The following ADAM19 variants were observed in gnomAD, a reference collection of about 807,000 sequenced individuals.
The protein encoded by ADAM19 is ADAM metallopeptidase domain 19, also known as disintegrin and metalloproteinase domain-containing protein 19.
A neutral mutation model predicts 114.7 loss-of-function variants in ADAM19; 65 were observed. The ratio of observed to expected loss-of-function variants is 0.57; its 90% CI spans 0.46 to 0.70. The LOEUF (loss-of-function observed/expected upper bound fraction) is 0.70, where lower values mean the gene tolerates loss of function less well. ADAM19 is among the 30% of genes least tolerant of loss of function. The probability of loss-of-function intolerance (pLI) is 0.00; values close to 1 mark genes in which losing one functional copy is unlikely to be tolerated. For synonymous variants in ADAM19, 466 were observed against 460.5 expected (o/e 1.01, Z -0.15); for missense variants, 1,063 against 1,204.7 (o/e 0.88, Z 1.74).
At chr5:157,549,429 A>G (rs1757131230) in intron 3 of ADAM19, among the ~76,000 whole-genome samples, 1 of 152,200 alleles carries the variant, frequency 6.6e-6, no homozygotes, top group Admixed American at 6.5e-5. Flanking sequence ...CTACAGTTTT[A>G]GGTTCCCTTT....
intron 15 of ADAM19, among the ~76,000 whole-genome samples, chr5:157,494,413 A>G (rs913708282): frequency 6.6e-6 from 1 of 152,186 alleles, no homozygotes; most frequent in African/African-American, 2.4e-5. Context: ...AAATGACCCA[A>G]AAGGGCTGAT....
intron 1 of ADAM19, among the ~76,000 whole-genome samples, chr5:157,574,480 G>A (rs1757916713): frequency 6.6e-6 from 1 of 152,186 alleles, no homozygotes; most frequent in African/African-American, 2.4e-5. Flanking sequence ...TCGGCCCCTG[G>A]AAGTTCCGAA....
At chr5:157,523,783 A>G (rs1756376297) in intron 5 of ADAM19, among the ~76,000 whole-genome samples, 1 of 152,214 alleles carries the variant, frequency 6.6e-6, no homozygotes, top group Admixed American at 6.5e-5. Context: ...AAAAACGCAG[A>G]GCTGCAGGCC....
chr5:157,524,728 C>T (rs543122909), intron 5 of ADAM19, among the ~76,000 whole-genome samples: 3 of 152,212 alleles, frequency 2.0e-5, no homozygotes, highest in Non-Finnish European at 4.4e-5. Context: ...CATATAGCAC[C>T]TGGATTCAAA....
intron 1 of ADAM19, chr5:157,572,246 C>T (rs771411915): frequency 2.6e-5 from 12 of 455,098 alleles, no homozygotes; most frequent in Non-Finnish European, 4.4e-5. Context: ...CCACCACACC[C>T]GGCTAATTTT....
chr5:157,558,736 G>T (rs995754112), intron 3 of ADAM19, among the ~76,000 whole-genome samples: 2 of 152,162 alleles, frequency 1.3e-5, no homozygotes, highest in African/African-American at 4.8e-5. Context: ...GTTTTGCTTT[G>T]GGTCTGCTAC....
At chr5:157,530,527 T>C (rs956764137) in intron 5 of ADAM19, among the ~76,000 whole-genome samples, 6 of 152,226 alleles carry the variant, frequency 3.9e-5, no homozygotes, top group Non-Finnish European at 7.3e-5. Flanking sequence ...ATCTTTTCAA[T>C]GGCAGTCATC....
At position 157,492,965 on chromosome 5, in the gene ADAM19, G is replaced by A. The variant is rs780623373; in HGVS notation, c.1908+8C>T. ...CTGGCTCCTAGGTGAGCAGGGGAGG[G>A]GACTCACATGGTTGTAGCCACACTT... On this transcript the variant is annotated splice_region_variant and intron_variant, in intron 16 of 22. Coordinates refer to ENST00000257527, the MANE Select transcript of ADAM19 (RefSeq NM_033274.5). 19 of 1,613,874 alleles carry A rather than the reference G, an allele frequency of 1.2e-5. No individual in the cohort carries two copies. The highest frequency in any genetic ancestry group is 1.6e-5 in the Non-Finnish European group (19 of 1,179,912).
chr5:157,541,433 G>A (rs1329463317), intron 3 of ADAM19, among the ~76,000 whole-genome samples: 1 of 152,066 alleles, frequency 6.6e-6, no homozygotes, highest in African/African-American at 2.4e-5. Flanking sequence ...AGGAGCCCAC[G>A]GACAGGCAGA....
intron 3 of ADAM19, among the ~76,000 whole-genome samples, chr5:157,547,865 CTATGTGACTTTTAAAATAT>C (rs1399366518): frequency 6.6e-6 from 1 of 152,156 alleles, no homozygotes; most frequent in Non-Finnish European, 1.5e-5. Context: ...GATGCTGTCA[CTATGTGACTTTTAAAATAT>C]TCTTCATCCG....
At position 157,478,972 on chromosome 5, in the gene ADAM19, T is replaced by C. The variant is rs1754671821; in HGVS notation, c.*1977A>G. On this transcript the variant is annotated 3_prime_UTR_variant, in exon 23 of 23. Coordinates refer to ENST00000257527, the MANE Select transcript of ADAM19 (RefSeq NM_033274.5). ...GAGGCATGGGGTTGGGTTTTGAGGA[T>C]GTTGCTTGTTTGTTTTGCAGAGGGG... 2.0e-6 allele frequency: 2 copies of C among 985,498 alleles called. No individual in the cohort carries two copies. The highest frequency in any genetic ancestry group is 6.2e-5 in the Admixed American group (1 of 16,258). The allele number at this position is 985,498 out of a possible 1,614,324, so 61.0% of individuals were successfully genotyped here. A position where few individuals can be genotyped will look rare whatever the true frequency, so the allele number is the denominator to read the frequency against.
chr5:157,526,173 TACACACACACAC>T (rs35119605), intron 5 of ADAM19, among the ~76,000 whole-genome samples: 6 of 109,214 alleles, frequency 5.5e-5, no homozygotes, highest in Non-Finnish European at 7.7e-5. Flanking sequence ...TATATATATA[TACACACACACAC>T]ACACACACAC....
intron 12 of ADAM19, 42 bp downstream of exon 12, chr5:157,502,761 G>A: frequency 1.9e-6 from 3 of 1,595,688 alleles, no homozygotes; most frequent in South Asian, 1.1e-5. Flanking sequence ...TGAAACCAAT[G>A]CAAATTCTTC....
At chr5:157,560,879 T>C (rs187000403) in intron 3 of ADAM19, among the ~76,000 whole-genome samples, 10 of 152,368 alleles carry the variant, frequency 6.6e-5, no homozygotes, top group African/African-American at 1.9e-4. Flanking sequence ...GAAATAATCA[T>C]AGCTACCTTG....
chr5:157,522,166 C>T (rs1450699207), intron 5 of ADAM19, among the ~76,000 whole-genome samples: 1 of 152,178 alleles, frequency 6.6e-6, no homozygotes, highest in Admixed American at 6.5e-5. Flanking sequence ...TTTATTCTTC[C>T]CACCACCTTC....
chr5:157,507,433 G>T (rs1755782166), intron 9 of ADAM19, among the ~76,000 whole-genome samples: 1 of 152,222 alleles, frequency 6.6e-6, no homozygotes, highest in African/African-American at 2.4e-5. Context: ...AATGGGCAGG[G>T]TTTGCAAAGC....
At chr5:157,532,380 C>T (rs183815238) in intron 4 of ADAM19, among the ~76,000 whole-genome samples, 216 of 152,256 alleles carry the variant, frequency 1.4e-3, no homozygotes, top group African/African-American at 4.8e-3. Context: ...AAGTGCTGGC[C>T]GAGCATTTTA....
chr5:157,499,760 C>T, intron 12 of ADAM19, 98 bp from the exon 13 acceptor site: 1 of 633,060 alleles, frequency 1.6e-6, no homozygotes, highest in East Asian at 3.1e-5. Flanking sequence ...CCCCAGCTCT[C>T]TAGCAACTAT....
intron 19 of ADAM19, among the ~76,000 whole-genome samples, chr5:157,490,086 G>A (rs1755097410): frequency 6.6e-6 from 1 of 152,188 alleles, no homozygotes; most frequent in Admixed American, 6.5e-5. Context: ...GGGATATTCT[G>A]CTGAGAAGAA....
Sources: allele counts gnomAD v4.1 joint callset (sites outside exome capture counted in the v4.1 genomes callset), GRCh38; gene constraint gnomAD v4.1.1; transcripts MANE v1.5; gene names NCBI Gene and HGNC (gene_info 2026-07-23, HGNC 2026-07-21).